FEZ1: variants seen among roughly 807,000 people sequenced by gnomAD.
The protein encoded by FEZ1 is fasciculation and elongation protein zeta-1.
A neutral mutation model predicts 49.3 loss-of-function variants in FEZ1; 20 were observed. The ratio of observed to expected loss-of-function variants is 0.41; its 90% CI spans 0.29 to 0.59. The LOEUF is 0.59. Ranked by LOEUF, FEZ1 falls within the 20% of genes least tolerant of loss-of-function variation. The pLI is 0.36. For missense variants in FEZ1, 413 were observed against 476.0 expected (o/e 0.87, Z 1.23); for synonymous variants, 170 against 180.9 (o/e 0.94, Z 0.48).
intron 3 of FEZ1, 21 bp downstream of exon 3, chr11:125,481,513 C>T (rs1365132150): frequency 2.1e-6 from 3 of 1,444,410 alleles, no homozygotes; most frequent in Non-Finnish European, 2.9e-6. Context: ...CCCTGCTAAA[C>T]CAGGGGCCCC....
intron 3 of FEZ1, among the ~76,000 whole-genome samples, chr11:125,479,411 G>C (rs1373735542): frequency 6.6e-6 from 1 of 152,198 alleles, no homozygotes; most frequent in East Asian, 1.9e-4. Flanking sequence ...GCAGGGCTGT[G>C]ACAGCCCTTC....
At position 125,489,482 on chromosome 11, in the gene FEZ1, G is replaced by C. The variant is rs751262752; in HGVS notation, c.296C>G (p.Thr99Ser). The change falls in exon 2 of 10, where the codon ACC becomes AGC. Residue 99 changes from threonine to serine, a missense_variant. Physicochemically the swap from Thr to Ser is moderately conservative, Grantham distance 58 (BLOSUM62 1). Transcript: ENST00000278919. The surrounding 1 kb of genome is among the most constrained non-coding windows in gnomAD (Gnocchi z 4.2). ...NQLQIQEEEE[T>S]LQDEEVWDAL... ...GACTTCTTACTCCTCGTCCTGAAGG[G>C]TCTCCTCCTCCTCTTGGATCTGTAA... 3.7e-6 allele frequency: 6 copies of C among 1,613,216 alleles called. No individual in the cohort carries two copies. Among genetic ancestry groups the C allele is most frequent in the Non-Finnish European group, 4.2e-6 (5 of 1,179,730 alleles).
chr11:125,466,607 G>A (rs1181128278), intron 3 of FEZ1, among the ~76,000 whole-genome samples: 1 of 152,168 alleles, frequency 6.6e-6, no homozygotes, highest in Admixed American at 6.5e-5. Flanking sequence ...ATCCAGAAAG[G>A]GGTCTGGCTA....
intron 2 of FEZ1, among the ~76,000 whole-genome samples, chr11:125,485,498 G>T (rs1358584573): frequency 6.6e-6 from 1 of 152,146 alleles, no homozygotes; most frequent in Non-Finnish European, 1.5e-5. Flanking sequence ...AGCTTAAAGG[G>T]CTTATTAGAA....
At position 125,495,755 on chromosome 11, in the gene FEZ1, GC is replaced by G. The variant is rs11365327; in HGVS notation, c.-46+365del. On this transcript the variant is annotated intron_variant, in intron 1 of 9. Coordinates refer to ENST00000278919, the MANE Select transcript of FEZ1 (RefSeq NM_005103.5). The surrounding 1 kb of genome is among the most constrained non-coding windows in gnomAD (Gnocchi z 4.2). ...CTTCCCCCAGCCCCCATACCTCGCCGCCCTGCCTTCACACGCGCGCACACAC... is the reference window on the plus strand; with the variant it reads ...CTTCCCCCAGCCCCCATACCTCGCCGCCTGCCTTCACACGCGCGCACACAC... 1 allele frequency: 356,551 copies of G among 356,552 alleles called. 178,275 individuals are homozygous for G. The highest frequency in any genetic ancestry group is 1 in the Non-Finnish European group (180,310 of 180,310). The allele number at this position is 356,552 out of a possible 1,614,324, so 22.1% of individuals were successfully genotyped here.
In FEZ1 at chr11:125,489,664, G is replaced by A. The variant is rs768880473; in HGVS notation, c.114C>T (p.Leu38=). 8.1e-6 allele frequency: 13 copies of A among 1,613,926 alleles called. No homozygotes were observed. The highest frequency in any genetic ancestry group is 1.7e-5 in the Admixed American group (1 of 59,994). The change falls in exon 2 of 10, where the codon CTC becomes CTT. Residue 38 remains leucine, a synonymous_variant. Coordinates refer to ENST00000278919, the MANE Select transcript of FEZ1 (RefSeq NM_005103.5). This position sits in a 1 kb window ranked among gnomAD's most constrained non-coding sequence, Gnocchi z 4.2. ...QCFYGSSPHH[L]EDPSLSELEN... The stretch of plus-strand genomic sequence containing the variant: ...CAAGCTCGGAGAGGGAGGGGTCCTC[G>A]AGATGGTGGGGAGATGAACCATAGA...
chr11:125,466,348 C>T (rs1565536926), intron 3 of FEZ1, among the ~76,000 whole-genome samples: 1 of 152,072 alleles, frequency 6.6e-6, no homozygotes, highest in African/African-American at 2.4e-5. Context: ...GGCATGATGG[C>T]ACACCTGTAG....
intron 9 of FEZ1, 63 bp from the exon 10 acceptor site, chr11:125,446,174 C>G: frequency 6.6e-7 from 1 of 1,513,702 alleles, no homozygotes; most frequent in South Asian, 1.1e-5. Context: ...GACCTCCGAG[C>G]CCTGGATAGC....
At chr11:125,453,949 A>C in intron 7 of FEZ1, 181 bp downstream of exon 7, 1 of 397,210 alleles carries the variant, frequency 2.5e-6, no homozygotes. Context: ...AAAAAAAAAA[A>C]GTTTGCCTTT....
chr11:125,493,362 AAAAGAAAG>A (rs555223569), intron 1 of FEZ1, among the ~76,000 whole-genome samples: 1,265 of 49,312 alleles, frequency 0.026, 60 homozygotes, highest in Non-Finnish European at 0.031. Context: ...AGAAAGAGAG[AAAAGAAAG>A]AAAGAAAGAA....
rs187900168 is a variant in FEZ1, at chr11:125,445,941, G to A, written c.*154C>T. ...ATGATTACTAGCACTAGAAGCCAAC[G>A]GCAAAGGACCCCGCGCGCTTGCTCG... On this transcript the variant is annotated 3_prime_UTR_variant, in exon 10 of 10. Transcript: ENST00000278919. This position sits in a 1 kb window ranked among gnomAD's most constrained non-coding sequence, Gnocchi z 4.4. 331 of 780,712 alleles carry A rather than the reference G, an allele frequency of 4.2e-4. 1 individual carries two copies. Among genetic ancestry groups the A allele is most frequent in the African/African-American group, 2.9e-3 (172 of 59,038 alleles). The allele number at this position is 780,712 out of a possible 1,614,324, so 48.4% of individuals were successfully genotyped here.
rs377391991 is a variant in FEZ1 at position 125,459,800 on chromosome 11, G to A, written c.667+698C>T. Among the ~76,000 whole-genome samples the A allele has an allele frequency of 4.1e-4, 62 of 151,896 alleles. No homozygotes were observed. The South Asian group carries it at 7.5e-3, about 18-fold the overall frequency. Reference sequence around the variant, plus strand: ...GAAGATGAAATGAGATTAGGCATAGGAAGTCTTAGAATAAGGCCAGGCGCA... The same window carrying A: ...GAAGATGAAATGAGATTAGGCATAGAAAGTCTTAGAATAAGGCCAGGCGCA... On this transcript the variant is annotated intron_variant, in intron 5 of 9. Coordinates refer to ENST00000278919, the MANE Select transcript of FEZ1 (RefSeq NM_005103.5).
chr11:125,450,496 A>G (rs1956944147), intron 8 of FEZ1, among the ~76,000 whole-genome samples: 1 of 152,160 alleles, frequency 6.6e-6, no homozygotes, highest in Admixed American at 6.5e-5. Flanking sequence ...CAAAATCTAA[A>G]ATTTACAAGG....
chr11:125,458,673 T>C (rs188873413), intron 5 of FEZ1, among the ~76,000 whole-genome samples: 2 of 152,334 alleles, frequency 1.3e-5, no homozygotes, highest in Admixed American at 6.5e-5. Context: ...AATAAACATA[T>C]GTTACATTTA....
intron 9 of FEZ1, among the ~76,000 whole-genome samples, chr11:125,447,182 T>C (rs1477002656): frequency 6.6e-6 from 1 of 152,206 alleles, no homozygotes. Flanking sequence ...TATAATGTAG[T>C]GCTTATCAAA....
At chr11:125,453,605 C>T (rs1956978348) in intron 7 of FEZ1, 2 of 152,500 alleles carry the variant, frequency 1.3e-5, no homozygotes, top group African/African-American at 4.8e-5. Context: ...AACAACAGAG[C>T]TTAGCACATA....
At chr11:125,474,232 G>A (rs1185350422) in intron 3 of FEZ1, among the ~76,000 whole-genome samples, 1 of 146,170 alleles carries the variant, frequency 6.8e-6, no homozygotes, top group Non-Finnish European at 1.5e-5. Flanking sequence ...TAGAGACAGG[G>A]TTTCACCGTG....
At chr11:125,488,690 A>C in intron 2 of FEZ1, 2 of 982,788 alleles carry the variant, frequency 2.0e-6, no homozygotes, top group Non-Finnish European at 2.4e-6. Context: ...AAAAAAAAAC[A>C]AAACAAAACA....
intron 2 of FEZ1, among the ~76,000 whole-genome samples, chr11:125,482,910 C>T (rs1298304337): frequency 2.3e-5 from 3 of 128,380 alleles, no homozygotes; most frequent in South Asian, 2.7e-4. Flanking sequence ...CTTAGGAAGT[C>T]GAGGCTGCAG....
Sources: allele counts gnomAD v4.1 joint callset (sites outside exome capture counted in the v4.1 genomes callset), GRCh38; gene constraint gnomAD v4.1.1; non-coding constraint Gnocchi (gnomAD v3.1); transcripts MANE v1.5; gene names NCBI Gene and HGNC (gene_info 2026-07-23, HGNC 2026-07-21).